JAK3: variants seen among roughly 807,000 people sequenced by gnomAD.
JAK3 encodes the protein Janus kinase 3, also known as tyrosine-protein kinase JAK3.
A neutral mutation model predicts 120.8 loss-of-function variants in JAK3; 88 were observed. That is an observed-to-expected ratio of 0.73 (90% CI 0.61 to 0.87). The LOEUF (loss-of-function observed/expected upper bound fraction) is 0.87. Ranked by LOEUF, JAK3 falls within the 40% of genes least tolerant of loss-of-function variation. The pLI is 0.00. For missense variants in JAK3, 1,254 were observed against 1,501.4 expected (o/e 0.84, Z 2.72); for synonymous variants, 592 against 628.6 (o/e 0.94, Z 0.87).
rs199820441 is a variant in JAK3 at position 17,842,647 on chromosome 19, G to C, written c.567-37C>G. On this transcript the variant is annotated intron_variant, in intron 5 of 23. Coordinates refer to ENST00000458235, the MANE Select transcript of JAK3 (RefSeq NM_000215.4). The surrounding 1 kb of genome is among the most constrained non-coding windows in gnomAD (Gnocchi z 6.4). ...GGAGGGGAGGGAGCCGGCCCTCAGCGTCGGGAGGGGTCCCCGCGGGGACAC... is the reference window on the plus strand; with the variant it reads ...GGAGGGGAGGGAGCCGGCCCTCAGCCTCGGGAGGGGTCCCCGCGGGGACAC... The C allele has an allele frequency of 5.9e-5, 89 of 1,511,120 alleles. No homozygotes were observed. Among genetic ancestry groups the C allele is most frequent in the Middle Eastern group, 3.5e-4 (2 of 5,640 alleles). The allele number at this position is 1,511,120 out of a possible 1,614,324, so 93.6% of individuals were successfully genotyped here. A position where few individuals can be genotyped will look rare whatever the true frequency, so the allele number is the denominator to read the frequency against.
Position 17,843,713 on chromosome 19 carries a change from C to T in JAK3, c.308+64G>A. The T allele has an allele frequency of 6.3e-7, 1 of 1,591,418 alleles. No individual in the cohort carries two copies. The highest frequency in any genetic ancestry group is 8.6e-7 in the Non-Finnish European group (1 of 1,160,906). Reference sequence around the variant, plus strand: ...TACCTCCCTGGGGCAGGGGTGTGGGCACCTCGAAATGCAAGGAGATGATAA... The same window carrying T: ...TACCTCCCTGGGGCAGGGGTGTGGGTACCTCGAAATGCAAGGAGATGATAA... On this transcript the variant is annotated intron_variant, in intron 3 of 23. Coordinates refer to ENST00000458235, the MANE Select transcript of JAK3 (RefSeq NM_000215.4). This position sits in a 1 kb window ranked among gnomAD's most constrained non-coding sequence, Gnocchi z 5.4.
chr19:17,835,101 C>T lies in JAK3; in HGVS notation c.2029G>A (p.Ala677Thr), dbSNP rs201000040. ...IKLSDPGVSP[A>T]VLSLEMLTDR... The stretch of plus-strand genomic sequence containing the variant: ...AACTTACTCTCCAGGCTTAACACAG[C>T]GGGGCTGACCCCAGGGTCACTCAGC... The change falls in exon 15 of 24, where the codon GCT becomes ACT. Residue 677 changes from alanine to threonine, a missense_variant. Ala to Thr is a moderately conservative substitution (Grantham distance 58). Transcript: ENST00000458235. 5.6e-5 allele frequency: 91 copies of T among 1,614,074 alleles called. No individual in the cohort carries two copies. The highest frequency in any genetic ancestry group is 7.6e-5 in the Non-Finnish European group (90 of 1,180,038).
At chr19:17,829,893 T>A in intron 23 of JAK3, 1 of 627,756 alleles carries the variant, frequency 1.6e-6, no homozygotes, top group Non-Finnish European at 2.9e-6. Flanking sequence ...CTATAAGGCA[T>A]TACTATTCTC....
chr19:17,840,327 A>G lies in JAK3; in HGVS notation c.1157T>C (p.Ile386Thr). 1.2e-6 allele frequency: 2 copies of G among 1,613,194 alleles called. No individual in the cohort carries two copies. The highest frequency in any genetic ancestry group is 1.7e-6 in the Non-Finnish European group (2 of 1,179,442). ...CHGPITLDFA[I>T]NKLKTGGSRP... is the part of the protein sequence containing the mutation. ...TGAGCCCCCAGTCTTGAGCTTGTTG[A>G]TGGCAAAGTCCAGACTGTGGGGGAA... The change falls in exon 9 of 24, where the codon ATC becomes ACC. Residue 386 changes from isoleucine to threonine, a missense_variant. This residue lies in a region of JAK3 where 486 missense variants were observed against 503.0 expected (regional missense o/e 0.97). Coordinates refer to ENST00000458235, the MANE Select transcript of JAK3 (RefSeq NM_000215.4).
At position 17,832,440 on chromosome 19, in the gene JAK3, T is replaced by A; in HGVS notation, c.2680+79A>T. 2.2e-6 allele frequency: 3 copies of A among 1,394,332 alleles called. No individual in the cohort carries two copies. The highest frequency in any genetic ancestry group is 3.1e-6 in the Non-Finnish European group (3 of 981,348). 86.4% of individuals were successfully genotyped at this position (1,394,332 alleles called of 1,614,324 possible). ...AATCACGTTCCCAGCCTACCTAAAG[T>A]GGCCTGGCAGGAGGGTAAGAATGTG... On this transcript the variant is annotated intron_variant, in intron 19 of 23. Coordinates refer to ENST00000458235, the MANE Select transcript of JAK3 (RefSeq NM_000215.4). The surrounding 1 kb of genome is among the most constrained non-coding windows in gnomAD (Gnocchi z 4.7).
In JAK3 at chr19:17,841,668, G is replaced by A. The variant is rs1489008484; in HGVS notation, c.956C>T (p.Thr319Ile). ...AATCTGGTTGTCTGTCCTGGTAACA[G>A]TGACCAGGCGGTGCTCTCCGGCCGG... ...VGPAGEHRLVTVTRTDNQILE... is the reference protein window; with the variant it reads ...VGPAGEHRLVIVTRTDNQILE... Residue 319 changes from threonine (T) to isoleucine (I), a missense_variant, in exon 7 of 24, where the codon ACT becomes ATT. Physicochemically the swap from Thr to Ile is moderately conservative, Grantham distance 89 (BLOSUM62 -1). Around this residue, in one of 3 missense-constraint regions of JAK3, gnomAD observed 486 missense variants for 503.0 expected, o/e 0.97. Transcript: ENST00000458235. The surrounding 1 kb of genome is among the most constrained non-coding windows in gnomAD (Gnocchi z 4.1). 1.2e-6 allele frequency: 2 copies of A among 1,613,978 alleles called. No homozygotes were observed. The highest frequency in any genetic ancestry group is 2.2e-5 in the East Asian group (1 of 44,868).
chr19:17,837,112 G>A lies in JAK3; in HGVS notation c.1786+17C>T, dbSNP rs2094226037. On this transcript the variant is annotated intron_variant, in intron 13 of 23. Transcript: ENST00000458235. ...TGGGTGAGGCAGGGGTGGGGTGGGT[G>A]GGTGGGGGGCTCTCACTGTCTCCAG... is the stretch of plus-strand genomic sequence containing the variant. 3 of 1,112,376 alleles carry A rather than the reference G, an allele frequency of 2.7e-6. No homozygotes were observed. Among genetic ancestry groups the A allele is most frequent in the East Asian group, 5.3e-5 (1 of 18,914 alleles). The allele number at this position is 1,112,376 out of a possible 1,614,324, so 68.9% of individuals were successfully genotyped here.
intron 17 of JAK3, among the ~76,000 whole-genome samples, chr19:17,834,200 T>C (rs2094219643): frequency 6.6e-6 from 1 of 151,902 alleles, no homozygotes; most frequent in African/African-American, 2.4e-5. Flanking sequence ...ATACAAAAAT[T>C]AGCTGGGCGT....
At position 17,834,619 on chromosome 19, in the gene JAK3, G is replaced by A. The variant is rs2147681486; in HGVS notation, c.2302C>T (p.Pro768Ser). Residue 768 changes from proline (P) to serine (S), a missense_variant, in exon 17 of 24, where the codon CCC becomes TCC. By Grantham distance (74) the Pro-to-Ser change is moderately conservative. Transcript: ENST00000458235. ...QCMAYEPVQR[P>S]SFRAVIRDLN... Reference sequence around the variant, plus strand: ...TCACGAATGACGGCTCGGAAGGAGGGCCTCTGGACCGGCTCATAGGCCATG... The same window carrying A: ...TCACGAATGACGGCTCGGAAGGAGGACCTCTGGACCGGCTCATAGGCCATG... 6.2e-7 allele frequency: 1 copy of A among 1,614,126 alleles called. No individual in the cohort carries two copies. The highest frequency in any genetic ancestry group is 2.2e-5 in the East Asian group (1 of 44,868).
chr19:17,830,090 T>C lies in JAK3; in HGVS notation c.3207+18A>G. On this transcript the variant is annotated intron_variant, in intron 23 of 23. Coordinates refer to ENST00000458235, the MANE Select transcript of JAK3 (RefSeq NM_000215.4). ...AATCTACAGACTGGGAAACTGAGGC[T>C]AGCCCTGCGGCGCTCACCTCAGCAG... 1.3e-6 allele frequency: 2 copies of C among 1,535,500 alleles called. No homozygotes were observed. The highest frequency in any genetic ancestry group is 1.8e-6 in the Non-Finnish European group (2 of 1,131,258).
In JAK3 at chr19:17,841,349, G is replaced by C. The variant is rs758248085; in HGVS notation, c.1142+40C>G. 1.4e-5 allele frequency: 22 copies of C among 1,531,666 alleles called. No individual in the cohort carries two copies. The South Asian group carries it at 1.9e-4, about 13-fold the overall frequency. 94.9% of individuals were successfully genotyped at this position (1,531,666 alleles called of 1,614,324 possible). A position where few individuals can be genotyped will look rare whatever the true frequency, so the allele number is the denominator to read the frequency against. ...AGGCATAGAGAAGGGGAGGGGCCCT[G>C]AGTGGCCACAGAGGCCGGGAATGGG... On this transcript the variant is annotated intron_variant, in intron 8 of 23. Transcript: ENST00000458235. This position sits in a 1 kb window ranked among gnomAD's most constrained non-coding sequence, Gnocchi z 4.1.
chr19:17,837,352 A>G lies in JAK3; in HGVS notation c.1702-139T>C, dbSNP rs2094226722. On this transcript the variant is annotated intron_variant, in intron 12 of 23. Coordinates refer to ENST00000458235, the MANE Select transcript of JAK3 (RefSeq NM_000215.4). ...GCCCTGGAGTCTGCCATTAGTGCAC[A>G]CAGCACTACCATGATTTTCTGATAC... 4.2e-6 allele frequency: 3 copies of G among 709,808 alleles called. No homozygotes were observed. The South Asian group carries it at 4.5e-5, about 11-fold the overall frequency. 44.0% of individuals were successfully genotyped at this position (709,808 alleles called of 1,614,324 possible).
Position 17,842,346 on chromosome 19 carries a change from G to T in JAK3, c.831C>A (p.Gly277=). The part of the protein sequence containing the change: ...GLGLLRVAGD[G]GIAWTQGEQE... The stretch of plus-strand genomic sequence containing the variant: ...GTTCTCCCTGGGTCCAGGCGATGCC[G>T]CCGTCACCAGCCACGCGGAGCAGCC... The change falls in exon 6 of 24, where the codon GGC becomes GGA. Residue 277 remains glycine (G), a synonymous_variant. Transcript: ENST00000458235. The surrounding 1 kb of genome is among the most constrained non-coding windows in gnomAD (Gnocchi z 6.4). 1 of 1,571,072 alleles carries T rather than the reference G, an allele frequency of 6.4e-7. No homozygotes were observed.
At chr19:17,840,394 G>T in intron 8 of JAK3, 53 bp from the exon 9 acceptor site, 1 of 1,223,682 alleles carries the variant, frequency 8.2e-7, no homozygotes. Context: ...GAAGAAGACA[G>T]AGAGACCTGG....
rs1245419246 is a variant in JAK3, at chr19:17,832,248, G to A, written c.2680+271C>T. 3.9e-5 allele frequency among the ~76,000 whole-genome samples: 6 copies of A among 152,134 alleles called. No individual in the cohort carries two copies. Among genetic ancestry groups the A allele is most frequent in the African/African-American group, 9.7e-5 (4 of 41,420 alleles). ...CTGCCTCCAGCCTGGGTGACAGAGCGAGACTCTGTCTCAAAAAAACAAACA... is the reference window on the plus strand; with the variant it reads ...CTGCCTCCAGCCTGGGTGACAGAGCAAGACTCTGTCTCAAAAAAACAAACA... On this transcript the variant is annotated intron_variant, in intron 19 of 23. Transcript: ENST00000458235. The surrounding 1 kb of genome is among the most constrained non-coding windows in gnomAD (Gnocchi z 4.7).
intron 13 of JAK3, 163 bp downstream of exon 13, chr19:17,836,966 G>A: frequency 1.4e-6 from 1 of 698,528 alleles, no homozygotes; most frequent in Admixed American, 2.0e-5. Context: ...TTTCCAAGGA[G>A]TGATGATGGA....
intron 10 of JAK3, 82 bp downstream of exon 10, chr19:17,839,395 G>T: frequency 7.4e-7 from 1 of 1,354,324 alleles, no homozygotes; most frequent in Non-Finnish European, 1.0e-6. Context: ...TCTGCCACTT[G>T]CCACCCACAC....
Position 17,843,613 on chromosome 19 carries a change from A to T in JAK3, c.309-122T>A. Reference sequence around the variant, plus strand: ...TCACAGAGCCCAGCTTGTACCTTTAACTTGCTGTGTGACCTTGGGCAAGTG... The same window carrying T: ...TCACAGAGCCCAGCTTGTACCTTTATCTTGCTGTGTGACCTTGGGCAAGTG... On this transcript the variant is annotated intron_variant, in intron 3 of 23. Transcript: ENST00000458235. The surrounding 1 kb of genome is among the most constrained non-coding windows in gnomAD (Gnocchi z 5.4). 1 of 1,186,794 alleles carries T rather than the reference A, an allele frequency of 8.4e-7. No homozygotes were observed. The highest frequency in any genetic ancestry group is 1.3e-6 in the Non-Finnish European group (1 of 795,656). 73.5% of individuals were successfully genotyped at this position (1,186,794 alleles called of 1,614,324 possible).
At chr19:17,834,497 T>A in intron 17 of JAK3, 74 bp downstream of exon 17, 1 of 1,579,560 alleles carries the variant, frequency 6.3e-7, no homozygotes, top group Non-Finnish European at 8.7e-7. Context: ...CGTGGCCTGC[T>A]GCAAACCACG....
Sources: allele counts gnomAD v4.1 joint callset (sites outside exome capture counted in the v4.1 genomes callset), GRCh38; gene constraint gnomAD v4.1.1; regional missense constraint gnomAD v4.1.1; non-coding constraint Gnocchi (gnomAD v3.1); transcripts MANE v1.5; gene names NCBI Gene and HGNC (gene_info 2026-07-23, HGNC 2026-07-21).